The following TAFA2 variants were observed in gnomAD, a reference collection of about 807,000 sequenced individuals.
The protein encoded by TAFA2 is TAFA chemokine like family member 2.
Under a neutral mutation model 18.8 loss-of-function variants are expected in TAFA2, and 7 were observed. The ratio of observed to expected loss-of-function variants is 0.37; its 90% CI spans 0.21 to 0.70. The LOEUF is 0.70. Ranked by LOEUF, TAFA2 falls within the 30% of genes least tolerant of loss-of-function variation. The pLI is 0.53. For missense variants in TAFA2, 122 were observed against 158.1 expected, an observed-to-expected ratio of 0.77 and a Z score of 1.23; for synonymous variants, 60 against 54.2, an observed-to-expected ratio of 1.11 and a Z score of -0.47.
chr12:62,059,011 G>A (rs1882266567), intron 1 of TAFA2, among the ~76,000 whole-genome samples: 1 of 152,138 alleles, frequency 6.6e-6, no homozygotes, highest in Admixed American at 6.5e-5. Context: ...GCTGAGGCAG[G>A]AGAATGGCGG....
At chr12:61,716,218 G>T (rs564678899) in intron 4 of TAFA2, among the ~76,000 whole-genome samples, 1 of 152,228 alleles carries the variant, frequency 6.6e-6, no homozygotes, top group South Asian at 2.1e-4. Context: ...GCCTCTGATT[G>T]TTTCTGCACA....
rs1016248457 is a variant in TAFA2, at chr12:62,066,523, A to C, written c.-2+124736T>G. Among the ~76,000 whole-genome samples the C allele has an allele frequency of 5.3e-5, 8 of 151,720 alleles. No homozygotes were observed. The South Asian group carries it at 6.2e-4, about 12-fold the overall frequency. The stretch of plus-strand genomic sequence containing the variant: ...TATTTCAATGAGTTCAATTATTTTC[A>C]TTTTTAGTTTCCACAAATAAGTGAG... On this transcript the variant is annotated intron_variant, in intron 1 of 4. Transcript: ENST00000416284.
At chr12:62,075,663 C>T (rs1027789986) in intron 1 of TAFA2, among the ~76,000 whole-genome samples, 13 of 152,190 alleles carry the variant, frequency 8.5e-5, no homozygotes, top group African/African-American at 2.9e-4. Context: ...ATAGATCACA[C>T]AGGCACACAT....
At chr12:61,991,683 T>C (rs2136689593) in intron 1 of TAFA2, among the ~76,000 whole-genome samples, 1 of 152,330 alleles carries the variant, frequency 6.6e-6, no homozygotes, top group South Asian at 2.1e-4. Flanking sequence ...TTGTTCACTT[T>C]TACAGCAAAA....
chr12:61,883,033 C>T (rs932431265), intron 1 of TAFA2, among the ~76,000 whole-genome samples: 5 of 152,256 alleles, frequency 3.3e-5, no homozygotes, highest in East Asian at 1.9e-4. Flanking sequence ...ATTTAACAAA[C>T]GTTATTAAAC....
At chr12:61,736,381 C>A (rs1021989117) in intron 4 of TAFA2, among the ~76,000 whole-genome samples, 2 of 151,968 alleles carry the variant, frequency 1.3e-5, no homozygotes, top group African/African-American at 4.8e-5. Context: ...AACGATATCA[C>A]CTGATCTATT....
intron 1 of TAFA2, among the ~76,000 whole-genome samples, chr12:62,109,833 C>T (rs1484723403): frequency 1.3e-5 from 2 of 152,060 alleles, no homozygotes; most frequent in African/African-American, 2.4e-5. Context: ...GATTTTGTAT[C>T]CTGAGACTTT....
intron 1 of TAFA2, among the ~76,000 whole-genome samples, chr12:61,919,055 A>G (rs1876940535): frequency 6.6e-6 from 1 of 152,212 alleles, no homozygotes; most frequent in East Asian, 1.9e-4. Context: ...CATACTGCCA[A>G]CAGTGGCCTG....
At chr12:61,743,562 C>T (rs2120711209) in intron 4 of TAFA2, among the ~76,000 whole-genome samples, 1 of 152,238 alleles carries the variant, frequency 6.6e-6, no homozygotes, top group South Asian at 2.1e-4. Flanking sequence ...TTCTTGACCA[C>T]ATCCAGATGA....
chr12:61,785,372 T>C (rs1178669650), intron 2 of TAFA2, among the ~76,000 whole-genome samples: 1 of 150,816 alleles, frequency 6.6e-6, no homozygotes, highest in Non-Finnish European at 1.5e-5. Flanking sequence ...TGTGTGTGTG[T>C]GTCACATTTT....
intron 4 of TAFA2, among the ~76,000 whole-genome samples, chr12:61,747,567 G>T (rs930349533): frequency 1.3e-5 from 2 of 150,670 alleles, no homozygotes; most frequent in Non-Finnish European, 2.9e-5. Context: ...CCTTTGTAGG[G>T]ACATGGATGA....
chr12:61,825,095 A>C (rs1258917591), intron 2 of TAFA2, among the ~76,000 whole-genome samples: 2 of 152,188 alleles, frequency 1.3e-5, no homozygotes, highest in South Asian at 2.1e-4. Flanking sequence ...GAGAAACTTA[A>C]AGGTAAGAAT....
intron 1 of TAFA2, among the ~76,000 whole-genome samples, chr12:61,917,817 A>G (rs1016986318): frequency 2.0e-5 from 3 of 152,204 alleles, no homozygotes; most frequent in Non-Finnish European, 2.9e-5. Flanking sequence ...TAAAAAAAGT[A>G]CTTTGGCCAA....
intron 1 of TAFA2, among the ~76,000 whole-genome samples, chr12:61,941,667 T>C (rs1878023576): frequency 2.6e-5 from 4 of 152,212 alleles, no homozygotes; most frequent in South Asian, 2.1e-4. Context: ...GGGAGTTCCC[T>C]TTCCGAGTCA....
At chr12:62,133,106 C>T (rs936862468) in intron 1 of TAFA2, among the ~76,000 whole-genome samples, 19 of 152,044 alleles carry the variant, frequency 1.2e-4, no homozygotes, top group African/African-American at 4.1e-4. Context: ...TCAATTTTGA[C>T]ACACAGGCAC....
chr12:61,865,622 A>G (rs2121214732), intron 2 of TAFA2, among the ~76,000 whole-genome samples: 1 of 152,356 alleles, frequency 6.6e-6, no homozygotes, highest in East Asian at 1.9e-4. Context: ...CAAAAAGAAA[A>G]GATCTTAGTT....
intron 2 of TAFA2, among the ~76,000 whole-genome samples, chr12:61,760,389 A>ATATATATATAT (rs1555162727): frequency 2.4e-5 from 2 of 82,530 alleles, no homozygotes; most frequent in African/African-American, 4.7e-5. Context: ...TATATGCGCC[A>ATATATATATAT]GTAAATATGT....
intron 1 of TAFA2, among the ~76,000 whole-genome samples, chr12:61,920,363 G>A (rs766909629): frequency 6.6e-6 from 1 of 152,138 alleles, no homozygotes; most frequent in Non-Finnish European, 1.5e-5. Context: ...GGGAAATGAG[G>A]ACTGCCACAA....
intron 2 of TAFA2, among the ~76,000 whole-genome samples, chr12:61,773,559 T>C (rs375386704): frequency 6.6e-6 from 1 of 151,974 alleles, no homozygotes; most frequent in African/African-American, 2.4e-5. Flanking sequence ...CCCAAATACA[T>C]AGAGTCAAGT....
Sources: gnomAD v4.1 joint callset for allele counts (sites outside exome capture counted in the v4.1 genomes callset) on GRCh38, gnomAD v4.1.1 for gene constraint, MANE v1.5 for transcripts, NCBI Gene and HGNC (gene_info 2026-07-23, HGNC 2026-07-21) for gene names.